CDH9: variants seen among roughly 807,000 people sequenced by gnomAD.
CDH9 encodes the protein cadherin-9.
Under a neutral mutation model 70.9 loss-of-function variants are expected in CDH9, and 28 were observed. The ratio of observed to expected loss-of-function variants is 0.40; its 90% CI spans 0.29 to 0.54. The LOEUF is 0.54. Among genes scored for constraint, CDH9 ranks in the 20% least tolerant of loss-of-function variants. The pLI is 0.59. For missense variants in CDH9, 874 were observed against 984.4 expected (o/e 0.89, Z 1.50); for synonymous variants, 409 against 343.1 (o/e 1.19, Z -2.12).
At chr5:26,885,006 C>A (rs2111966511) in intron 11 of CDH9, among the ~76,000 whole-genome samples, 1 of 152,204 alleles carries the variant, frequency 6.6e-6, no homozygotes, top group East Asian at 1.9e-4. Flanking sequence ...TTATGTCACA[C>A]CAATGCACAA....
At chr5:27,037,464 T>C (rs1194823068) in intron 1 of CDH9, among the ~76,000 whole-genome samples, 3 of 151,956 alleles carry the variant, frequency 2.0e-5, no homozygotes, top group African/African-American at 7.2e-5. Flanking sequence ...AATAACTTTC[T>C]TTTTATTACA....
At position 26,971,221 on chromosome 5, in the gene CDH9, T is replaced by G. The variant is rs1742213868; in HGVS notation, c.228+16885A>C. Among the ~76,000 whole-genome samples, 2 of 152,128 alleles carry G rather than the reference T, an allele frequency of 1.3e-5. 1 individual carries two copies. Among genetic ancestry groups the G allele is most frequent in the South Asian group, 4.1e-4 (2 of 4,832 alleles). On this transcript the variant is annotated intron_variant, in intron 2 of 11. Coordinates refer to ENST00000231021, the MANE Select transcript of CDH9 (RefSeq NM_016279.4). ...TCATTCACCATGAAAATGGTCAAGATGAAGCACGCATTACCAGGAGTGAAA... is the reference window on the plus strand; with the variant it reads ...TCATTCACCATGAAAATGGTCAAGAGGAAGCACGCATTACCAGGAGTGAAA...
chr5:26,997,698 A>G (rs537174283), intron 1 of CDH9, among the ~76,000 whole-genome samples: 1 of 136,492 alleles, frequency 7.3e-6, no homozygotes, highest in African/African-American at 2.8e-5. Flanking sequence ...TATCACAAAC[A>G]AATGGTAATT....
chr5:26,887,290 C>T (rs1402614411), intron 9 of CDH9, among the ~76,000 whole-genome samples: 1 of 151,512 alleles, frequency 6.6e-6, no homozygotes, highest in African/African-American at 2.4e-5. Flanking sequence ...ACAAATCTAA[C>T]TTTTAGTAAT....
At chr5:26,979,449 A>C (rs1180448776) in intron 2 of CDH9, among the ~76,000 whole-genome samples, 2 of 114,286 alleles carry the variant, frequency 1.7e-5, no homozygotes, top group Non-Finnish European at 4.0e-5. Context: ...ATGATAGAAA[A>C]AAATTAAAAA....
chr5:27,031,800 G>A (rs193237051), intron 1 of CDH9, among the ~76,000 whole-genome samples: 4 of 151,824 alleles, frequency 2.6e-5, no homozygotes, highest in African/African-American at 4.8e-5. Flanking sequence ...CACGCCTCTC[G>A]TGTCTTCATT....
intron 2 of CDH9, among the ~76,000 whole-genome samples, chr5:26,964,506 T>C (rs1742094716): frequency 6.6e-6 from 1 of 152,178 alleles, no homozygotes; most frequent in South Asian, 2.1e-4. Flanking sequence ...AACCAACCAA[T>C]GAACCAACCA....
At chr5:26,966,517 T>C (rs997297284) in intron 2 of CDH9, among the ~76,000 whole-genome samples, 2 of 151,966 alleles carry the variant, frequency 1.3e-5, no homozygotes, top group Non-Finnish European at 2.9e-5. Context: ...ACCTAAAGCA[T>C]CATTTTTTTT....
At chr5:26,968,295 A>G (rs1742162046) in intron 2 of CDH9, among the ~76,000 whole-genome samples, 1 of 150,746 alleles carries the variant, frequency 6.6e-6, no homozygotes, top group South Asian at 2.1e-4. Context: ...TTTTATTTTT[A>G]TTTTTTTTGA....
chr5:26,962,585 T>G (rs773398140), intron 2 of CDH9, among the ~76,000 whole-genome samples: 32 of 152,144 alleles, frequency 2.1e-4, no homozygotes, highest in Non-Finnish European at 3.2e-4. Flanking sequence ...TGATGAGCAT[T>G]TTTTTGTAAG....
At chr5:26,885,933 T>C (rs1244646640) in intron 10 of CDH9, 33 bp downstream of exon 10, 1 of 1,589,132 alleles carries the variant, frequency 6.3e-7, no homozygotes, top group Non-Finnish European at 8.6e-7. Context: ...TCTTAAAGTT[T>C]CATAATTTTT....
At chr5:26,886,490 T>C (rs1740569458) in intron 9 of CDH9, among the ~76,000 whole-genome samples, 1 of 152,084 alleles carries the variant, frequency 6.6e-6, no homozygotes, top group Non-Finnish European at 1.5e-5. Flanking sequence ...ACACAGAAGA[T>C]GCATTTTTAA....
intron 1 of CDH9, among the ~76,000 whole-genome samples, chr5:27,030,469 C>T (rs186910987): frequency 1.8e-4 from 26 of 147,462 alleles, no homozygotes; most frequent in Admixed American, 6.8e-4. Context: ...GAATAATGAA[C>T]CAGGGAAAGC....
intron 1 of CDH9, among the ~76,000 whole-genome samples, chr5:27,027,989 T>C (rs537795368): frequency 6.6e-6 from 1 of 152,178 alleles, no homozygotes; most frequent in South Asian, 2.1e-4. Flanking sequence ...AATTAAAACA[T>C]AAATACAATA....
At chr5:26,951,699 C>A (rs1006539701) in intron 2 of CDH9, among the ~76,000 whole-genome samples, 2 of 152,032 alleles carry the variant, frequency 1.3e-5, no homozygotes, top group Non-Finnish European at 2.9e-5. Context: ...ATTGTATATC[C>A]TTGAAATCAT....
At chr5:27,005,609 A>C (rs1218636192) in intron 1 of CDH9, among the ~76,000 whole-genome samples, 1 of 152,118 alleles carries the variant, frequency 6.6e-6, no homozygotes, top group Non-Finnish European at 1.5e-5. Context: ...CAGGATAGCA[A>C]TGCCTCAAAG....
intron 1 of CDH9, among the ~76,000 whole-genome samples, chr5:26,995,607 T>C (rs1175211207): frequency 6.6e-6 from 1 of 152,114 alleles, no homozygotes; most frequent in African/African-American, 2.4e-5. Context: ...ACCTGTACAT[T>C]CCTCTGCTTT....
chr5:26,922,560 C>A (rs376508687), intron 2 of CDH9, among the ~76,000 whole-genome samples: 2 of 151,948 alleles, frequency 1.3e-5, no homozygotes, highest in Non-Finnish European at 2.9e-5. Flanking sequence ...GGGACTTCAT[C>A]AACACCAGAC....
rs755843215 is a variant in CDH9, at chr5:26,988,176, C to T, written c.158G>A (p.Arg53His). ...GAAGAACTGATTCCACATCCAGCCA[C>T]GCTTGGTGCGACGTAGCATTTTACC... Reference protein sequence around the residue: ...DDGKMLRRTKRGWMWNQFFLL... With the variant: ...DDGKMLRRTKHGWMWNQFFLL... Residue 53 changes from arginine to histidine, a missense_variant, in exon 2 of 12, where the codon CGT (arginine) becomes CAT (histidine). Arg to His is a conservative substitution (Grantham distance 29). Coordinates refer to ENST00000231021, the MANE Select transcript of CDH9 (RefSeq NM_016279.4). 5 of 1,613,336 alleles carry T rather than the reference C, an allele frequency of 3.1e-6. No individual in the cohort carries two copies. The highest frequency in any genetic ancestry group is 1.3e-5 in the African/African-American group (1 of 74,886).
Sources: gnomAD v4.1 joint callset for allele counts (sites outside exome capture counted in the v4.1 genomes callset) on GRCh38, gnomAD v4.1.1 for gene constraint, MANE v1.5 for transcripts, NCBI Gene and HGNC (gene_info 2026-07-23, HGNC 2026-07-21) for gene names.